TCF12: variants seen among roughly 807,000 people sequenced by gnomAD.
TCF12 encodes transcription factor 12, also known as DNA-binding protein HTF4.
Under a neutral mutation model 86.0 loss-of-function variants are expected in TCF12, and 45 were observed. That is an observed-to-expected ratio of 0.52 (90% CI 0.41 to 0.67). The LOEUF (loss-of-function observed/expected upper bound fraction) is 0.67. Among genes scored for constraint, TCF12 ranks in the 30% least tolerant of loss-of-function variants. The pLI is 0.00. For synonymous variants in TCF12, 330 were observed against 299.6 expected (o/e 1.10, Z -1.05); for missense variants, 881 against 859.9 (o/e 1.02, Z -0.31).
chr15:57,173,815 C>G (rs2055707797), intron 6 of TCF12, among the ~76,000 whole-genome samples: 1 of 151,536 alleles, frequency 6.6e-6, no homozygotes, highest in Non-Finnish European at 1.5e-5. Context: ...TCGAGTGATT[C>G]TCCTGCCTTA....
chr15:56,951,092 A>G (rs1452491642), intron 3 of TCF12, among the ~76,000 whole-genome samples: 3 of 152,132 alleles, frequency 2.0e-5, no homozygotes. Flanking sequence ...TTATGTGGAC[A>G]TTCATATGGT....
At chr15:57,062,574 C>T (rs1172382310) in intron 3 of TCF12, among the ~76,000 whole-genome samples, 4 of 152,136 alleles carry the variant, frequency 2.6e-5, no homozygotes, top group African/African-American at 9.7e-5. Context: ...ACCCCTCCCC[C>T]TTCCCTGCTT....
chr15:57,041,732 T>C (rs1256343245), intron 3 of TCF12, among the ~76,000 whole-genome samples: 2 of 152,140 alleles, frequency 1.3e-5, no homozygotes, highest in East Asian at 3.8e-4. Flanking sequence ...ACATCACTTA[T>C]ACAAAAGCAA....
rs1485391713 is a variant in TCF12 at position 57,109,890 on chromosome 15, T to C, written c.325+17999T>C. ...GAACGCATAAGGTATCTAGAAAGCG[T>C]TAATTTGTGAGGGAACAAATTAAAG... is the stretch of plus-strand genomic sequence containing the variant. On this transcript the variant is annotated intron_variant, in intron 5 of 20. Coordinates refer to ENST00000333725, the MANE Select transcript of TCF12 (RefSeq NM_207037.2). Among the ~76,000 whole-genome samples the C allele has an allele frequency of 5.3e-5, 8 of 152,308 alleles. 1 individual carries two copies. The highest frequency in any genetic ancestry group is 5.2e-4 in the Admixed American group (8 of 15,292).
chr15:57,154,696 A>T (rs1219740544), intron 5 of TCF12, among the ~76,000 whole-genome samples: 3 of 152,126 alleles, frequency 2.0e-5, no homozygotes, highest in Non-Finnish European at 4.4e-5. Context: ...TAATGCTAAG[A>T]AGAGTGACGC....
intron 3 of TCF12, among the ~76,000 whole-genome samples, chr15:56,960,693 G>A (rs1321233524): frequency 2.0e-5 from 3 of 151,960 alleles, no homozygotes; most frequent in Admixed American, 2.0e-4. Context: ...GCTTTCCAAA[G>A]TATTGGGATT....
Position 57,243,267 on chromosome 15 carries a change from C to T in TCF12, c.1036-205C>T, listed in dbSNP as rs12904933. 0.39 allele frequency among the ~76,000 whole-genome samples: 59,466 copies of T among 152,010 alleles called. 14,529 individuals are homozygous for T. The highest frequency in any genetic ancestry group is 0.54 in the Non-Finnish European group (36,737 of 67,936). On this transcript the variant is annotated intron_variant, in intron 12 of 20. Coordinates refer to ENST00000333725, the MANE Select transcript of TCF12 (RefSeq NM_207037.2). ...TACATGTGATCTATTTTATTCCTCT[C>T]GTATTAGACTATATATACTTTTTAA... is the stretch of plus-strand genomic sequence containing the variant.
chr15:57,163,825 A>G (rs1292789407), intron 5 of TCF12, among the ~76,000 whole-genome samples: 2 of 152,246 alleles, frequency 1.3e-5, no homozygotes, highest in Non-Finnish European at 2.9e-5. Context: ...TGGATCAGAA[A>G]TCTTCTTGGA....
intron 8 of TCF12, among the ~76,000 whole-genome samples, chr15:57,204,849 G>C (rs991034152): frequency 4.6e-5 from 7 of 152,044 alleles, no homozygotes; most frequent in Admixed American, 4.6e-4. Context: ...TTAAGAGCTT[G>C]CTAGCCATCT....
At chr15:56,942,898 A>G (rs755679642) in intron 3 of TCF12, among the ~76,000 whole-genome samples, 1 of 152,202 alleles carries the variant, frequency 6.6e-6, no homozygotes, top group Non-Finnish European at 1.5e-5. Flanking sequence ...TCTAGGTGAC[A>G]TGGGAAGAAA....
chr15:57,113,366 T>C (rs2151245323), intron 5 of TCF12, among the ~76,000 whole-genome samples: 1 of 152,328 alleles, frequency 6.6e-6, no homozygotes, highest in Middle Eastern at 3.4e-3. Flanking sequence ...CCATTTATCA[T>C]AGACATTTGT....
At chr15:57,265,705 A>G (rs911835636) in intron 18 of TCF12, among the ~76,000 whole-genome samples, 1 of 152,188 alleles carries the variant, frequency 6.6e-6, no homozygotes, top group South Asian at 2.1e-4. Flanking sequence ...TGGTTTTATT[A>G]TGTGTCATTT....
intron 5 of TCF12, among the ~76,000 whole-genome samples, chr15:57,144,553 A>G (rs1239851419): frequency 1.3e-5 from 2 of 152,186 alleles, no homozygotes; most frequent in African/African-American, 2.4e-5. Flanking sequence ...ACCGTTTTGT[A>G]CTGATGATTG....
Position 57,016,536 on chromosome 15 carries a change from A to G in TCF12, c.149-47214A>G, listed in dbSNP as rs377093722. ...TCCTGTTTGTAGTAGCCTTAATTAC[A>G]TAATTCATAAGGCAAATTAAATACA... On this transcript the variant is annotated intron_variant, in intron 3 of 20. Coordinates refer to ENST00000333725, the MANE Select transcript of TCF12 (RefSeq NM_207037.2). Among the ~76,000 whole-genome samples the G allele has an allele frequency of 9.2e-5, 14 of 152,326 alleles. No individual in the cohort carries two copies. In the East Asian group the frequency reaches 1.7e-3, roughly 19 times the overall value.
intron 5 of TCF12, among the ~76,000 whole-genome samples, chr15:57,093,857 A>T (rs2049149515): frequency 6.6e-6 from 1 of 152,196 alleles, no homozygotes; most frequent in South Asian, 2.1e-4. Context: ...ATCTGCATTC[A>T]TGTGAACTAC....
intron 19 of TCF12, chr15:57,278,721 C>CCTCCCTCCCTCCCT: frequency 8.5e-6 from 1 of 117,660 alleles, no homozygotes; most frequent in African/African-American, 3.6e-5. Flanking sequence ...CCTCCCTCTC[C>CCTCCCTCCCTCCCT]CTCCCTCCCC....
chr15:57,212,507 G>A lies in TCF12; in HGVS notation c.579+14682G>A, dbSNP rs577749136. Among the ~76,000 whole-genome samples, 8 of 152,110 alleles carry A rather than the reference G, an allele frequency of 5.3e-5. No individual in the cohort carries two copies. The South Asian group carries it at 1.7e-3, about 32-fold the overall frequency. On this transcript the variant is annotated intron_variant, in intron 8 of 20. Transcript: ENST00000333725. ...TGCCCAGGCTGGTCTCAAACTCCTG[G>A]GTTCAAGGGATCTTCCCACCTTGGC...
intron 8 of TCF12, among the ~76,000 whole-genome samples, chr15:57,230,233 T>C (rs1391811102): frequency 6.6e-6 from 1 of 152,020 alleles, no homozygotes; most frequent in African/African-American, 2.4e-5. Flanking sequence ...GTTGAATTTT[T>C]TGTATCATTT....
intron 3 of TCF12, among the ~76,000 whole-genome samples, chr15:56,930,927 G>T (rs2060217297): frequency 6.6e-6 from 1 of 152,210 alleles, no homozygotes; most frequent in Non-Finnish European, 1.5e-5. Flanking sequence ...TAGCTGATTT[G>T]TAGCGTGTGA....
Sources: gnomAD v4.1 joint callset for allele counts (sites outside exome capture counted in the v4.1 genomes callset) on GRCh38, gnomAD v4.1.1 for gene constraint, MANE v1.5 for transcripts, NCBI Gene and HGNC (gene_info 2026-07-23, HGNC 2026-07-21) for gene names.